Variants in WDR72 observed in about 807,000 individuals in gnomAD.
WDR72 encodes WD repeat-containing protein 72.
A neutral mutation model predicts 124.2 loss-of-function variants in WDR72; 120 were observed. That is an observed-to-expected ratio of 0.97 (90% CI 0.83 to 1.12). The LOEUF (loss-of-function observed/expected upper bound fraction) is 1.12. WDR72 is among the 50% of genes most tolerant of loss of function. The pLI is 0.00. For synonymous variants in WDR72, 452 were observed against 441.7 expected (o/e 1.02, Z -0.29); for missense variants, 1,387 against 1,278.8 (o/e 1.08, Z -1.29).
At chr15:53,665,494 C>T in intron 14 of WDR72, 78 bp downstream of exon 14, 20 of 1,487,688 alleles carry the variant, frequency 1.3e-5, no homozygotes, top group Non-Finnish European at 1.7e-5. Context: ...TACTTAAGTG[C>T]CATGTATTTA....
In WDR72 at chr15:53,560,457, T is replaced by C. The variant is rs535061441; in HGVS notation, c.3148+36622A>G. The stretch of plus-strand genomic sequence containing the variant: ...ACTGTAGAGATGTAAAGGATGAGAA[T>C]AAGTATTATCCTAGAGATCCCATGG... On this transcript the variant is annotated intron_variant, in intron 18 of 19. Transcript: ENST00000360509. 7.2e-4 allele frequency among the ~76,000 whole-genome samples: 109 copies of C among 152,008 alleles called. 1 individual carries two copies. Among genetic ancestry groups the C allele is most frequent in the Non-Finnish European group, 5.9e-5 (4 of 67,902 alleles).
rs1370608748 is a variant in WDR72, at chr15:53,716,603, T to C, written c.339+4A>G. ...AATGCCCTGAAGGAAGTGAGTGTAC[T>C]TACACAGATTGCAGTGTGCCTGTAA... On this transcript the variant is annotated splice_donor_region_variant and intron_variant, in intron 4 of 19. Coordinates refer to ENST00000360509, the MANE Select transcript of WDR72 (RefSeq NM_182758.4). 1 of 1,596,252 alleles carries C rather than the reference T, an allele frequency of 6.3e-7. No individual in the cohort carries two copies. Among genetic ancestry groups the C allele is most frequent in the South Asian group, 1.1e-5 (1 of 90,736 alleles).
intron 14 of WDR72, among the ~76,000 whole-genome samples, chr15:53,642,043 T>C (rs1325581780): frequency 6.6e-6 from 1 of 151,976 alleles, no homozygotes. Context: ...TGATTACTGT[T>C]GCTATTTTAA....
intron 18 of WDR72, among the ~76,000 whole-genome samples, chr15:53,574,242 C>T (rs967277228): frequency 1.3e-5 from 2 of 152,076 alleles, no homozygotes; most frequent in South Asian, 2.1e-4. Context: ...TAATTTCAGC[C>T]GAAGTGAAAA....
In WDR72 at chr15:53,613,737, A is replaced by G. The variant is rs766783049; in HGVS notation, c.2801T>C (p.Ile934Thr). ...CCCAGCACCTCTCATCTTATTATGT[A>G]TACTTTCCATTCTGAAAGAACTGTT... Reference protein sequence around the residue: ...RVGSSFRMESIHNKMRGAGND... With the variant: ...RVGSSFRMESTHNKMRGAGND... The change falls in exon 16 of 20, where the codon ATA (isoleucine) becomes ACA (threonine). Residue 934 changes from isoleucine to threonine, a missense_variant. Physicochemically the swap from Ile to Thr is moderately conservative, Grantham distance 89 (BLOSUM62 -1). Transcript: ENST00000360509. 4 of 1,607,362 alleles carry G rather than the reference A, an allele frequency of 2.5e-6. No individual in the cohort carries two copies. The South Asian group carries it at 3.3e-5, about 13-fold the overall frequency.
intron 18 of WDR72, among the ~76,000 whole-genome samples, chr15:53,529,164 A>ATATATT (rs59003623): frequency 5.0e-4 from 39 of 78,154 alleles, no homozygotes; most frequent in Admixed American, 2.5e-3. Flanking sequence ...ATATATATAT[A>ATATATT]TTTTTTTTTT....
chr15:53,599,093 C>T (rs757730466), intron 17 of WDR72, among the ~76,000 whole-genome samples: 6 of 151,796 alleles, frequency 4.0e-5, no homozygotes, highest in Non-Finnish European at 7.4e-5. Context: ...CCCTGCACTC[C>T]GGCCTGGATG....
At position 53,615,467 on chromosome 15, in the gene WDR72, T is replaced by A. The variant is rs753812237; in HGVS notation, c.2739A>T (p.Lys913Asn). The change falls in exon 15 of 20, where the codon AAA becomes AAT. Residue 913 changes from lysine to asparagine, a missense_variant. Physicochemically the swap from Lys to Asn is moderately conservative, Grantham distance 94 (BLOSUM62 0). Coordinates refer to ENST00000360509, the MANE Select transcript of WDR72 (RefSeq NM_182758.4). ...YLLSRLFLVNKLVNMPLELAC... is the reference protein window; with the variant it reads ...YLLSRLFLVNNLVNMPLELAC... ...CCAATTCTAAAGGCATGTTAACTAA[T>A]TTATTAACTAAAAATAGTCTGCTCA... 12 of 1,611,898 alleles carry A rather than the reference T, an allele frequency of 7.4e-6. No homozygotes were observed. The African/African-American group carries it at 1.3e-4, about 18-fold the overall frequency.
intron 18 of WDR72, among the ~76,000 whole-genome samples, chr15:53,586,508 C>T (rs926944525): frequency 9.2e-5 from 14 of 152,050 alleles, no homozygotes; most frequent in African/African-American, 3.1e-4. Flanking sequence ...GATTGGGTAA[C>T]AGTCCATCTA....
At chr15:53,621,447 A>ATATG (rs2013989340) in intron 14 of WDR72, among the ~76,000 whole-genome samples, 1 of 142,518 alleles carries the variant, frequency 7.0e-6, no homozygotes, top group South Asian at 2.1e-4. Context: ...ATATATATAT[A>ATATG]TATATATATA....
chr15:53,562,381 A>C (rs1026764946), intron 18 of WDR72, among the ~76,000 whole-genome samples: 1 of 151,794 alleles, frequency 6.6e-6, no homozygotes, highest in African/African-American at 2.4e-5. Flanking sequence ...AGTGGACCTC[A>C]AAGTTTAGTG....
intron 1 of WDR72, among the ~76,000 whole-genome samples, chr15:53,740,119 T>C (rs779524041): frequency 1.3e-5 from 2 of 152,176 alleles, no homozygotes; most frequent in Non-Finnish European, 2.9e-5. Flanking sequence ...CAACACTGTC[T>C]ACCCAGTAAC....
chr15:53,731,071 T>C (rs1355483903), intron 2 of WDR72, among the ~76,000 whole-genome samples: 1 of 152,190 alleles, frequency 6.6e-6, no homozygotes, highest in East Asian at 1.9e-4. Flanking sequence ...AATCAATAAC[T>C]TCTTTGTGTA....
chr15:53,698,606 GGTTCTGGA>G (rs2017076386), intron 13 of WDR72, among the ~76,000 whole-genome samples: 2 of 152,152 alleles, frequency 1.3e-5, no homozygotes, highest in Non-Finnish European at 2.9e-5. Flanking sequence ...CCTATTAACA[GGTTCTGGA>G]GGCAAGCCCA....
At chr15:53,638,774 C>T (rs980852136) in intron 14 of WDR72, among the ~76,000 whole-genome samples, 2 of 152,078 alleles carry the variant, frequency 1.3e-5, no homozygotes, top group Admixed American at 6.5e-5. Context: ...GAGGACAATG[C>T]GAGCAGATCA....
intron 17 of WDR72, among the ~76,000 whole-genome samples, chr15:53,607,178 A>G (rs1595789563): frequency 6.6e-6 from 1 of 152,252 alleles, no homozygotes; most frequent in East Asian, 1.9e-4. Context: ...GTAGCCTTAA[A>G]GGAGAAAGAA....
intron 13 of WDR72, among the ~76,000 whole-genome samples, chr15:53,681,829 A>ACTGTGTGTGTG (rs1442051356): frequency 2.6e-5 from 4 of 152,164 alleles, no homozygotes; most frequent in Non-Finnish European, 5.9e-5. Context: ...TAATATCTCA[A>ACTGTGTGTGTG]TTAAAATGCA....
At chr15:53,698,306 A>G (rs2017067727) in intron 13 of WDR72, among the ~76,000 whole-genome samples, 1 of 152,202 alleles carries the variant, frequency 6.6e-6, no homozygotes, top group African/African-American at 2.4e-5. Flanking sequence ...TCTATCACCT[A>G]TGAAAAATAT....
chr15:53,743,366 T>C (rs2018559403), intron 1 of WDR72, among the ~76,000 whole-genome samples: 1 of 152,074 alleles, frequency 6.6e-6, no homozygotes, highest in Non-Finnish European at 1.5e-5. Context: ...TATTTTAGTA[T>C]TACATATTTA....
Sources: gnomAD v4.1 joint callset for allele counts (sites outside exome capture counted in the v4.1 genomes callset) on GRCh38, gnomAD v4.1.1 for gene constraint, MANE v1.5 for transcripts, NCBI Gene and HGNC (gene_info 2026-07-23, HGNC 2026-07-21) for gene names.